CNTNAP5: variants seen among roughly 807,000 people sequenced by gnomAD.
CNTNAP5 encodes contactin-associated protein-like 5.
Under a neutral mutation model 150.2 loss-of-function variants are expected in CNTNAP5, and 72 were observed. The ratio of observed to expected loss-of-function variants is 0.48; its 90% CI spans 0.40 to 0.58. The LOEUF is 0.58. CNTNAP5 is among the 20% of genes least tolerant of loss of function. The pLI is 0.00. For missense variants in CNTNAP5, 1,636 were observed against 1,626.2 expected, an observed-to-expected ratio of 1.01 and a Z score of -0.10; for synonymous variants, 672 against 619.8, an observed-to-expected ratio of 1.08 and a Z score of -1.25.
At position 124,270,421 on chromosome 2, in the gene CNTNAP5, C is replaced by T. The variant is rs75268246; in HGVS notation, c.381+28028C>T. Among the ~76,000 whole-genome samples the T allele has an allele frequency of 2.6e-5, 4 of 152,340 alleles. No individual in the cohort carries two copies. In the East Asian group the frequency reaches 5.8e-4, roughly 22 times the overall value. On this transcript the variant is annotated intron_variant, in intron 3 of 23. Transcript: ENST00000682447. ...GCCATAGGCCCAGGTCCCAGCCACA[C>T]ACCTCATTTCAGAGATCACAGTGAG...
At position 124,869,773 on chromosome 2, in the gene CNTNAP5, C is replaced by T. The variant is rs1027481142; in HGVS notation, c.3436+11C>T. On this transcript the variant is annotated intron_variant, in intron 21 of 23. Coordinates refer to ENST00000682447, the MANE Select transcript of CNTNAP5 (RefSeq NM_001367498.1). Reference sequence around the variant, plus strand: ...TGGGCAAAGTCACAGGTATGTTGTTCTAGTTCATACCTTTCCAGTGGGCTT... The same window carrying T: ...TGGGCAAAGTCACAGGTATGTTGTTTTAGTTCATACCTTTCCAGTGGGCTT... 8 of 1,494,642 alleles carry T rather than the reference C, an allele frequency of 5.4e-6. No homozygotes were observed. Among genetic ancestry groups the T allele is most frequent in the Non-Finnish European group, 7.5e-6 (8 of 1,072,602 alleles). 92.6% of individuals were successfully genotyped at this position (1,494,642 alleles called of 1,614,324 possible).
At chr2:124,493,729 G>C (rs1296262427) in intron 7 of CNTNAP5, among the ~76,000 whole-genome samples, 2 of 151,994 alleles carry the variant, frequency 1.3e-5, no homozygotes, top group African/African-American at 4.8e-5. Context: ...AAATTGAGAA[G>C]TTGACTTCTA....
intron 3 of CNTNAP5, among the ~76,000 whole-genome samples, chr2:124,276,391 A>G (rs1338174702): frequency 6.6e-6 from 1 of 152,216 alleles, no homozygotes; most frequent in East Asian, 1.9e-4. Context: ...GACTTATCTA[A>G]TTAAAGACTG....
chr2:124,345,547 G>T (rs1247925788), intron 3 of CNTNAP5, among the ~76,000 whole-genome samples: 1 of 152,096 alleles, frequency 6.6e-6, no homozygotes, highest in African/African-American at 2.4e-5. Context: ...GAAAATCTCA[G>T]CTTTCATAAA....
At chr2:124,535,571 G>A (rs1466007597) in intron 10 of CNTNAP5, among the ~76,000 whole-genome samples, 1 of 148,340 alleles carries the variant, frequency 6.7e-6, no homozygotes, top group African/African-American at 2.5e-5. Context: ...AGACCATCCT[G>A]GCCAACATGG....
intron 11 of CNTNAP5, among the ~76,000 whole-genome samples, chr2:124,569,003 G>A (rs758186799): frequency 2.0e-5 from 3 of 152,110 alleles, no homozygotes; most frequent in Non-Finnish European, 2.9e-5. Flanking sequence ...AGCCAAGATC[G>A]CGCCACTGCA....
chr2:124,289,533 G>A (rs1210279360), intron 3 of CNTNAP5, among the ~76,000 whole-genome samples: 1 of 152,148 alleles, frequency 6.6e-6, no homozygotes, highest in African/African-American at 2.4e-5. Flanking sequence ...TGAAGCATAA[G>A]AAAATTGTTT....
rs1302454996 is a variant in CNTNAP5 at position 124,749,466 on chromosome 2, C to T, written c.2234+2081C>T. On this transcript the variant is annotated intron_variant, in intron 14 of 23. Coordinates refer to ENST00000682447, the MANE Select transcript of CNTNAP5 (RefSeq NM_001367498.1). ...CTTAGACGGAGTCTTGCTCTGTCGCCCAGGCTGGGGTGCAATGATGCAATC... is the reference window on the plus strand; with the variant it reads ...CTTAGACGGAGTCTTGCTCTGTCGCTCAGGCTGGGGTGCAATGATGCAATC... Among the ~76,000 whole-genome samples the T allele has an allele frequency of 3.3e-5, 5 of 151,960 alleles. No homozygotes were observed. The South Asian group carries it at 6.2e-4, about 19-fold the overall frequency.
At chr2:124,513,421 C>T (rs1188140262) in intron 8 of CNTNAP5, among the ~76,000 whole-genome samples, 1 of 152,156 alleles carries the variant, frequency 6.6e-6, no homozygotes, top group African/African-American at 2.4e-5. Flanking sequence ...GGACACGATT[C>T]AGCTCATGCA....
chr2:124,839,448 C>T (rs534792407), intron 19 of CNTNAP5, among the ~76,000 whole-genome samples: 6 of 149,228 alleles, frequency 4.0e-5, no homozygotes, highest in African/African-American at 1.5e-4. Flanking sequence ...TCTCTCTCTC[C>T]CTTTCCCCCT....
At chr2:124,050,151 A>G (rs1479629964) in intron 1 of CNTNAP5, among the ~76,000 whole-genome samples, 5 of 152,120 alleles carry the variant, frequency 3.3e-5, no homozygotes, top group Admixed American at 2.0e-4. Context: ...TATTCTTAAT[A>G]CAATTGTTAT....
chr2:124,872,377 T>C lies in CNTNAP5; in HGVS notation c.3436+2615T>C, dbSNP rs1359371701. Among the ~76,000 whole-genome samples, 4 of 14,936 alleles carry C rather than the reference T, an allele frequency of 2.7e-4. No homozygotes were observed. In the African/African-American group the frequency reaches 2.8e-3, roughly 10 times the overall value. The allele number at this position is 14,936 out of a possible 152,430, so 9.8% of individuals were successfully genotyped here. On this transcript the variant is annotated intron_variant, in intron 21 of 23. Transcript: ENST00000682447. ...TGTGGTAACTTGTTTCCTTATGCTG[T>C]GTGTGTGTGTGTGTGTGTGTGTGTG...
chr2:124,861,133 T>C (rs1677515937), intron 19 of CNTNAP5, among the ~76,000 whole-genome samples: 1 of 151,962 alleles, frequency 6.6e-6, no homozygotes, highest in African/African-American at 2.4e-5. Context: ...CGATGTCTAG[T>C]AAGTGAAAAG....
intron 1 of CNTNAP5, among the ~76,000 whole-genome samples, chr2:124,063,426 T>C (rs1682065480): frequency 6.6e-6 from 1 of 152,150 alleles, no homozygotes; most frequent in Non-Finnish European, 1.5e-5. Flanking sequence ...ATTTAAATGA[T>C]TTCAAAAACA....
chr2:124,583,106 A>G (rs1696451449), intron 11 of CNTNAP5, among the ~76,000 whole-genome samples: 1 of 150,536 alleles, frequency 6.6e-6, no homozygotes, highest in Non-Finnish European at 1.5e-5. Context: ...AGTAAGATTT[A>G]TTAGAATTTC....
intron 1 of CNTNAP5, among the ~76,000 whole-genome samples, chr2:124,219,511 G>A (rs988873677): frequency 6.6e-6 from 1 of 151,930 alleles, no homozygotes; most frequent in Non-Finnish European, 1.5e-5. Flanking sequence ...TAGGAGGATG[G>A]TTATATCTAC....
intron 1 of CNTNAP5, among the ~76,000 whole-genome samples, chr2:124,050,697 T>G (rs2104642261): frequency 6.6e-6 from 1 of 152,196 alleles, no homozygotes; most frequent in South Asian, 2.1e-4. Context: ...AGCTGAGCAG[T>G]TTGGGCACCT....
At chr2:124,875,316 G>A (rs1483402588) in intron 21 of CNTNAP5, among the ~76,000 whole-genome samples, 1 of 152,036 alleles carries the variant, frequency 6.6e-6, no homozygotes, top group African/African-American at 2.4e-5. Flanking sequence ...TGCTCACTTT[G>A]GAAGACTGAA....
intron 1 of CNTNAP5, among the ~76,000 whole-genome samples, chr2:124,153,603 C>CTTTTTTT (rs948493792): frequency 5.9e-5 from 5 of 85,096 alleles, no homozygotes; most frequent in African/African-American, 9.6e-5. Flanking sequence ...CCCCCCGGGA[C>CTTTTTTT]TTTTTTTTTT....
Sources: allele counts gnomAD v4.1 joint callset (sites outside exome capture counted in the v4.1 genomes callset), GRCh38; gene constraint gnomAD v4.1.1; transcripts MANE v1.5; gene names NCBI Gene and HGNC (gene_info 2026-07-23, HGNC 2026-07-21).